The following MITF variants were observed in gnomAD, a reference collection of about 807,000 sequenced individuals.
The protein encoded by MITF is melanocyte inducing transcription factor.
Under a neutral mutation model 60.5 loss-of-function variants are expected in MITF, and 17 were observed. The ratio of observed to expected loss-of-function variants is 0.28; its 90% CI spans 0.19 to 0.42. The LOEUF is 0.42. Among genes scored for constraint, MITF ranks in the 10% least tolerant of loss-of-function variants. The pLI is 1.00. For missense variants in MITF, 622 were observed against 683.5 expected (o/e 0.91, Z 1.00); for synonymous variants, 260 against 248.5 (o/e 1.05, Z -0.43).
intron 1 of MITF, among the ~76,000 whole-genome samples, chr3:69,872,393 G>A (rs572681479): frequency 5.9e-5 from 9 of 152,046 alleles, no homozygotes; most frequent in Admixed American, 3.9e-4. Context: ...GTATGTTACA[G>A]AGGTCTCTAA....
chr3:69,823,842 G>A (rs1372933118), intron 1 of MITF, among the ~76,000 whole-genome samples: 1 of 152,148 alleles, frequency 6.6e-6, no homozygotes, highest in Non-Finnish European at 1.5e-5. Context: ...AGCATACTGA[G>A]TGGTAGCCTA....
At chr3:69,795,227 G>T (rs534583202) in intron 1 of MITF, among the ~76,000 whole-genome samples, 1 of 152,080 alleles carries the variant, frequency 6.6e-6, no homozygotes. Flanking sequence ...TCTCCCAAGC[G>T]ATGTATTATG....
At chr3:69,876,151 A>C (rs2064349149) in intron 1 of MITF, among the ~76,000 whole-genome samples, 1 of 152,126 alleles carries the variant, frequency 6.6e-6, no homozygotes, top group Admixed American at 6.5e-5. Context: ...AGTGCAGTTG[A>C]TAACTAGAAA....
intron 1 of MITF, among the ~76,000 whole-genome samples, chr3:69,816,378 G>A (rs1018073825): frequency 1.3e-5 from 2 of 152,260 alleles, no homozygotes; most frequent in East Asian, 1.9e-4. Flanking sequence ...TAGACAGAAA[G>A]CATAGGTGAT....
In MITF at chr3:69,821,706, AG is replaced by A. The variant is rs1465213191; in HGVS notation, c.105-57427del. ...AAAAAAAACTAAAAAAAAAAAAAAA[AG>A]CAAAAGTTCAAACGGGATTTTCTTT... On this transcript the variant is annotated intron_variant, in intron 1 of 9. Coordinates refer to ENST00000352241, the MANE Select transcript of MITF (RefSeq NM_001354604.2). Among the ~76,000 whole-genome samples the A allele has an allele frequency of 5.8e-3, 868 of 149,304 alleles. 7 individuals carry two copies. Among genetic ancestry groups the A allele is most frequent in the African/African-American group, 0.02 (818 of 40,964 alleles).
chr3:69,934,057 T>C (rs1039830194), intron 2 of MITF, among the ~76,000 whole-genome samples: 2 of 152,172 alleles, frequency 1.3e-5, no homozygotes, highest in African/African-American at 4.8e-5. Context: ...AGAGAGGCTA[T>C]GTCACACACC....
rs1056949708 is a variant in MITF at position 69,739,478 on chromosome 3, G to T, written c.-120G>T. 1.3e-4 allele frequency: 112 copies of T among 854,000 alleles called. No individual in the cohort carries two copies. Among genetic ancestry groups the T allele is most frequent in the Non-Finnish European group, 1.9e-4 (105 of 555,844 alleles). The allele number at this position is 854,000 out of a possible 1,614,324, so 52.9% of individuals were successfully genotyped here. On this transcript the variant is annotated 5_prime_UTR_variant, in exon 1 of 10. Coordinates refer to ENST00000352241, the MANE Select transcript of MITF (RefSeq NM_001354604.2). ...GGCGGGCGGCCGCGAGCCGGCGAGC[G>T]GGCAGAGCTCGGCACTGCGCCGGGG...
intron 1 of MITF, among the ~76,000 whole-genome samples, chr3:69,860,072 T>C (rs1296022222): frequency 6.6e-6 from 1 of 152,202 alleles, no homozygotes; most frequent in African/African-American, 2.4e-5. Context: ...AACTTTGTGT[T>C]GTCTCACCTA....
chr3:69,774,738 A>T (rs527731469), intron 1 of MITF, among the ~76,000 whole-genome samples: 2 of 152,160 alleles, frequency 1.3e-5, no homozygotes, highest in South Asian at 2.1e-4. Flanking sequence ...GGGGTGCTAG[A>T]GGCCTTGCTG....
chr3:69,902,465 T>G (rs2065014487), intron 2 of MITF, among the ~76,000 whole-genome samples: 1 of 152,174 alleles, frequency 6.6e-6, no homozygotes, highest in African/African-American at 2.4e-5. Flanking sequence ...GCAGTTTAAT[T>G]CATGACTCAT....
At chr3:69,946,097 A>G (rs1039123322) in intron 5 of MITF, among the ~76,000 whole-genome samples, 2 of 152,226 alleles carry the variant, frequency 1.3e-5, no homozygotes, top group African/African-American at 4.8e-5. Context: ...CATAGCAGTT[A>G]CCACTTATTG....
intron 1 of MITF, among the ~76,000 whole-genome samples, chr3:69,850,579 A>T (rs2063808360): frequency 6.6e-6 from 1 of 152,176 alleles, no homozygotes; most frequent in African/African-American, 2.4e-5. Context: ...AGAAACAAAA[A>T]CCTGCAAAGG....
At chr3:69,958,946 T>A (rs890317938) in intron 8 of MITF, among the ~76,000 whole-genome samples, 3 of 151,694 alleles carry the variant, frequency 2.0e-5, no homozygotes, top group African/African-American at 7.3e-5. Flanking sequence ...GTATGATTAT[T>A]TTATTTTTAA....
At chr3:69,946,937 C>T (rs560444594) in intron 5 of MITF, among the ~76,000 whole-genome samples, 2 of 152,276 alleles carry the variant, frequency 1.3e-5, no homozygotes, top group East Asian at 1.9e-4. Context: ...CTGTCCATCT[C>T]GCTGTCTATG....
At chr3:69,956,261 C>A (rs887868904) in intron 7 of MITF, among the ~76,000 whole-genome samples, 194 bp from the exon 8 acceptor site, 2 of 152,134 alleles carry the variant, frequency 1.3e-5, no homozygotes, top group African/African-American at 4.8e-5. Flanking sequence ...TATCTAAGGG[C>A]TTTGGAAATG....
intron 8 of MITF, among the ~76,000 whole-genome samples, chr3:69,957,402 C>T (rs1043714932): frequency 6.6e-6 from 1 of 152,172 alleles, no homozygotes; most frequent in Non-Finnish European, 1.5e-5. Context: ...TTGCTGTTCA[C>T]GTTACTGTTA....
chr3:69,769,318 T>C (rs1317083446), intron 1 of MITF, among the ~76,000 whole-genome samples: 2 of 152,220 alleles, frequency 1.3e-5, no homozygotes, highest in Admixed American at 6.5e-5. Context: ...TTCATCTTGG[T>C]AGTCTGGCAC....
In MITF at chr3:69,965,428, C is replaced by T; in HGVS notation, c.*180C>T. 1 of 622,828 alleles carries T rather than the reference C, an allele frequency of 1.6e-6. No homozygotes were observed. The highest frequency in any genetic ancestry group is 2.1e-5 in the South Asian group (1 of 47,406). 38.6% of individuals were successfully genotyped at this position (622,828 alleles called of 1,614,324 possible). A position where few individuals can be genotyped will look rare whatever the true frequency, so the allele number is the denominator to read the frequency against. ...ATTTTGTGAAACAGACTTGTATATT[C>T]TATTTTACAACTACAAATGCCTCCA... On this transcript the variant is annotated 3_prime_UTR_variant, in exon 10 of 10. Transcript: ENST00000352241.
chr3:69,852,036 A>C (rs573368298), intron 1 of MITF, among the ~76,000 whole-genome samples: 21 of 152,214 alleles, frequency 1.4e-4, no homozygotes, highest in African/African-American at 4.6e-4. Context: ...ATATACAAAC[A>C]ATTTTAGGGT....
Sources: gnomAD v4.1 joint callset for allele counts (sites outside exome capture counted in the v4.1 genomes callset) on GRCh38, gnomAD v4.1.1 for gene constraint, MANE v1.5 for transcripts, NCBI Gene and HGNC (gene_info 2026-07-23, HGNC 2026-07-21) for gene names.